The following USP34 variants were observed in gnomAD, a reference collection of about 807,000 sequenced individuals.
The protein encoded by USP34 is ubiquitin carboxyl-terminal hydrolase 34.
USP34 carries 70 observed loss-of-function variants against 460.3 expected under a neutral mutation model. The observed-to-expected ratio is 0.15, with a 90% CI of 0.13 to 0.19. The LOEUF is 0.19. Among genes scored for constraint, USP34 ranks in the 10% least tolerant of loss-of-function variants. The pLI, the probability that USP34 is intolerant of heterozygous loss-of-function variation, is 1.00. For synonymous variants in USP34, 1,647 were observed against 1,405.3 expected (o/e 1.17, Z -3.85); for missense variants, 3,985 against 4,236.2 (o/e 0.94, Z 1.65).
intron 1 of USP34, among the ~76,000 whole-genome samples, chr2:61,421,795 ACACG>A (rs1694365768): frequency 7.0e-6 from 1 of 143,476 alleles, no homozygotes; most frequent in Admixed American, 7.2e-5. Context: ...ACACACACAC[ACACG>A]CGCGCGCGCG....
chr2:61,247,106 C>G (rs889295146), intron 49 of USP34, among the ~76,000 whole-genome samples: 4 of 152,060 alleles, frequency 2.6e-5, no homozygotes, highest in African/African-American at 4.8e-5. Flanking sequence ...GGTACACTTC[C>G]TATCCCCAAA....
chr2:61,444,946 T>C (rs1376136425), intron 1 of USP34, among the ~76,000 whole-genome samples: 4 of 146,410 alleles, frequency 2.7e-5, no homozygotes, highest in Non-Finnish European at 4.5e-5. Flanking sequence ...ACTGAGCAAG[T>C]GAGGAAAAAA....
chr2:61,296,999 AAAGT>A lies in USP34; in HGVS notation c.4129-78_4129-75del, dbSNP rs1690050014. On this transcript the variant is annotated intron_variant, in intron 29 of 79. Transcript: ENST00000398571. ...AAGTTTTAAGTTCAAATTTTTGCATAAAGTAATGATCAAATTTGCTAATAGTTTT... is the reference window on the plus strand; with the variant it reads ...AAGTTTTAAGTTCAAATTTTTGCATAAATGATCAAATTTGCTAATAGTTTT... 7 of 1,486,822 alleles carry A rather than the reference AAAGT, an allele frequency of 4.7e-6. No individual in the cohort carries two copies. The Admixed American group carries it at 1.2e-4, about 26-fold the overall frequency. The allele number at this position is 1,486,822 out of a possible 1,614,324, so 92.1% of individuals were successfully genotyped here.
At chr2:61,427,737 GAAGT>G (rs1038681346) in intron 1 of USP34, among the ~76,000 whole-genome samples, 5 of 152,306 alleles carry the variant, frequency 3.3e-5, no homozygotes, top group East Asian at 1.9e-4. Context: ...TGATGGCAGA[GAAGT>G]AAGAATTAGT....
chr2:61,237,897 T>C (rs1176844704), intron 53 of USP34, among the ~76,000 whole-genome samples: 3 of 151,334 alleles, frequency 2.0e-5, no homozygotes, highest in Admixed American at 2.0e-4. Context: ...CTATTTTCTT[T>C]TTTCTTTTCT....
intron 10 of USP34, among the ~76,000 whole-genome samples, chr2:61,363,045 A>G (rs1411903326): frequency 6.6e-6 from 1 of 152,210 alleles, no homozygotes; most frequent in Non-Finnish European, 1.5e-5. Flanking sequence ...AATGGGCAAA[A>G]GACATGAACA....
At chr2:61,229,476 C>CAAAAAAAAAAAA in intron 59 of USP34, 72 bp downstream of exon 59, 1 of 395,204 alleles carries the variant, frequency 2.5e-6, no homozygotes. Context: ...AAAAAAAAAA[C>CAAAAAAAAAAAA]AAAAAAAAAA....
At chr2:61,190,701 G>A (rs764645874) in intron 76 of USP34, 43 bp from the exon 77 acceptor site, 33 of 1,561,428 alleles carry the variant, frequency 2.1e-5, no homozygotes, top group Middle Eastern at 2.0e-4. Context: ...GGTTGAGCAC[G>A]GAAAAAACTT....
intron 62 of USP34, among the ~76,000 whole-genome samples, chr2:61,225,362 A>G (rs1368265492): frequency 1.3e-5 from 2 of 152,042 alleles, no homozygotes; most frequent in African/African-American, 2.4e-5. Context: ...GTTTAGGAAA[A>G]TTTTACAATT....
At chr2:61,214,858 A>G (rs529028059) in intron 67 of USP34, among the ~76,000 whole-genome samples, 164 bp from the exon 68 acceptor site, 1 of 152,356 alleles carries the variant, frequency 6.6e-6, no homozygotes, top group South Asian at 2.1e-4. Context: ...GGCCCCACAA[A>G]AAGATCCCAA....
chr2:61,304,001 G>A (rs911645966), intron 27 of USP34, among the ~76,000 whole-genome samples: 1 of 151,940 alleles, frequency 6.6e-6, no homozygotes, highest in African/African-American at 2.4e-5. Context: ...GGGCTTAAGC[G>A]ATTCTCATGC....
intron 25 of USP34, among the ~76,000 whole-genome samples, chr2:61,313,018 A>G (rs1020991079): frequency 5.9e-4 from 90 of 152,340 alleles, no homozygotes; most frequent in African/African-American, 2.1e-3. Flanking sequence ...GCAATTTTCA[A>G]TTAATAATAG....
At chr2:61,425,008 C>T (rs1051231609) in intron 1 of USP34, among the ~76,000 whole-genome samples, 10 of 152,062 alleles carry the variant, frequency 6.6e-5, no homozygotes, top group African/African-American at 2.2e-4. Flanking sequence ...TTAGTAGAGA[C>T]AGGGTTTCAC....
chr2:61,229,140 G>T, intron 59 of USP34, 145 bp from the exon 60 acceptor site: 1 of 572,740 alleles, frequency 1.7e-6, no homozygotes. Flanking sequence ...TATTGTGACT[G>T]GCTAAATCAA....
At chr2:61,283,031 G>T in intron 37 of USP34, 114 bp downstream of exon 37, 1 of 1,074,406 alleles carries the variant, frequency 9.3e-7, no homozygotes, top group Non-Finnish European at 1.4e-6. Context: ...AGCAGATAAT[G>T]TGATATATTT....
intron 41 of USP34, among the ~76,000 whole-genome samples, chr2:61,271,599 A>G (rs1394533027): frequency 4.6e-5 from 7 of 152,172 alleles, no homozygotes; most frequent in Non-Finnish European, 1.0e-4. Flanking sequence ...AAAGGAGGAA[A>G]AAAGGAAGAA....
intron 20 of USP34, among the ~76,000 whole-genome samples, chr2:61,326,990 T>A (rs1691115730): frequency 6.6e-6 from 1 of 152,008 alleles, no homozygotes; most frequent in Non-Finnish European, 1.5e-5. Context: ...TGTCACCACA[T>A]TAGCCAGCTG....
chr2:61,458,301 C>T (rs547300706), intron 1 of USP34, among the ~76,000 whole-genome samples: 1 of 152,186 alleles, frequency 6.6e-6, no homozygotes, highest in East Asian at 1.9e-4. Context: ...GGGTTCACAC[C>T]TGTAATCCCA....
At chr2:61,287,901 T>A (rs1689735924) in intron 34 of USP34, among the ~76,000 whole-genome samples, 1 of 152,158 alleles carries the variant, frequency 6.6e-6, no homozygotes, top group Admixed American at 6.5e-5. Flanking sequence ...CATCTCCAAA[T>A]CCACCCTTTT....
Sources: gnomAD v4.1 joint callset for allele counts (sites outside exome capture counted in the v4.1 genomes callset) on GRCh38, gnomAD v4.1.1 for gene constraint, MANE v1.5 for transcripts, NCBI Gene and HGNC (gene_info 2026-07-23, HGNC 2026-07-21) for gene names.